Variants in TACC2 observed in about 807,000 individuals in gnomAD.
TACC2 encodes the protein transforming acidic coiled-coil-containing protein 2.
TACC2 carries 137 observed loss-of-function variants against 227.3 expected under a neutral mutation model. That is an observed-to-expected ratio of 0.60 (90% CI 0.52 to 0.69). The LOEUF (loss-of-function observed/expected upper bound fraction) is 0.69, where lower values mean the gene tolerates loss of function less well. TACC2 is among the 30% of genes least tolerant of loss of function. The probability of loss-of-function intolerance (pLI) is 0.00; values close to 1 mark genes in which losing one functional copy is unlikely to be tolerated. For missense variants in TACC2, 3,470 were observed against 3,694.4 expected (o/e 0.94, Z 1.57); for synonymous variants, 1,523 against 1,487.5 (o/e 1.02, Z -0.55).
chr10:122,017,745 A>G (rs1232236239), intron 1 of TACC2, among the ~76,000 whole-genome samples: 1 of 144,692 alleles, frequency 6.9e-6, no homozygotes, highest in Non-Finnish European at 1.5e-5. Flanking sequence ...TGAACCCTAG[A>G]GGCAGAGGTT....
At chr10:122,176,540 G>C (rs150109038) in intron 7 of TACC2, among the ~76,000 whole-genome samples, 1 of 152,120 alleles carries the variant, frequency 6.6e-6, no homozygotes, top group Non-Finnish European at 1.5e-5. Context: ...AAGAGTCGTA[G>C]CATTTTACTT....
chr10:122,103,781 T>G (rs992874336), intron 5 of TACC2, among the ~76,000 whole-genome samples: 1 of 150,540 alleles, frequency 6.6e-6, no homozygotes, highest in South Asian at 2.1e-4. Flanking sequence ...GAGGCGGGGG[T>G]CTTGTCTTGC....
intron 3 of TACC2, among the ~76,000 whole-genome samples, chr10:122,071,215 G>C (rs1424574443): frequency 6.6e-6 from 1 of 152,070 alleles, no homozygotes; most frequent in African/African-American, 2.4e-5. Flanking sequence ...TTTTATTTTT[G>C]GTATTTGATC....
intron 8 of TACC2, among the ~76,000 whole-genome samples, chr10:122,208,275 T>G (rs1320380639): frequency 6.6e-6 from 1 of 152,154 alleles, no homozygotes; most frequent in Non-Finnish European, 1.5e-5. Flanking sequence ...CGTTTATTGA[T>G]CCTGTAAGAA....
At chr10:122,020,397 G>A (rs1211170157) in intron 1 of TACC2, among the ~76,000 whole-genome samples, 1 of 152,080 alleles carries the variant, frequency 6.6e-6, no homozygotes, top group African/African-American at 2.4e-5. Context: ...GAAGGGTTAG[G>A]AGTGAAAGAA....
intron 2 of TACC2, among the ~76,000 whole-genome samples, chr10:122,025,888 A>T (rs879580575): frequency 5.3e-4 from 80 of 151,750 alleles, no homozygotes; most frequent in Non-Finnish European, 9.1e-4. Flanking sequence ...TATTATTATT[A>T]TTTTTTAAAG....
chr10:122,041,441 C>CTTTTTTTTTTTTT (rs537169387), intron 2 of TACC2, among the ~76,000 whole-genome samples: 1 of 140,190 alleles, frequency 7.1e-6, no homozygotes, highest in Non-Finnish European at 1.5e-5. Flanking sequence ...AGTTTCCTTT[C>CTTTTTTTTTTTTT]TTTTTTTTTT....
At chr10:122,162,677 T>A (rs2092893520) in intron 7 of TACC2, among the ~76,000 whole-genome samples, 1 of 152,302 alleles carries the variant, frequency 6.6e-6, no homozygotes. Flanking sequence ...GAGCCTGCCA[T>A]AGGCCAGGGA....
chr10:121,992,767 C>T (rs2134855172), intron 1 of TACC2, among the ~76,000 whole-genome samples: 1 of 152,082 alleles, frequency 6.6e-6, no homozygotes, highest in South Asian at 2.1e-4. Context: ...CCAGCCTGGG[C>T]AACACGGCGA....
At chr10:122,121,943 G>A (rs541021689) in intron 5 of TACC2, among the ~76,000 whole-genome samples, 6 of 152,310 alleles carry the variant, frequency 3.9e-5, no homozygotes, top group Admixed American at 6.5e-5. Flanking sequence ...GGAAAGACCT[G>A]GCGGGGAGGG....
chr10:122,058,407 T>C (rs2136339063), intron 3 of TACC2, among the ~76,000 whole-genome samples: 1 of 152,054 alleles, frequency 6.6e-6, no homozygotes, highest in East Asian at 2.0e-4. Flanking sequence ...TGCAACCCTT[T>C]ATTATATATT....
At chr10:122,129,490 A>C (rs900550079) in intron 5 of TACC2, among the ~76,000 whole-genome samples, 1 of 152,210 alleles carries the variant, frequency 6.6e-6, no homozygotes, top group Non-Finnish European at 1.5e-5. Context: ...TGTGATCAGC[A>C]TATTTGCCCA....
chr10:121,992,318 T>A (rs1188880018), intron 1 of TACC2, among the ~76,000 whole-genome samples: 1 of 152,156 alleles, frequency 6.6e-6, no homozygotes, highest in African/African-American at 2.4e-5. Context: ...GTGAAAAACC[T>A]GAAGGTTTTA....
At chr10:122,134,892 A>C (rs1278049312) in intron 6 of TACC2, among the ~76,000 whole-genome samples, 3 of 152,324 alleles carry the variant, frequency 2.0e-5, no homozygotes, top group South Asian at 4.1e-4. Context: ...GGCCCCTCCC[A>C]TGCCTGAGAC....
chr10:122,147,082 T>C (rs1037790962), intron 7 of TACC2, among the ~76,000 whole-genome samples: 1 of 152,172 alleles, frequency 6.6e-6, no homozygotes, highest in African/African-American at 2.4e-5. Flanking sequence ...ACATGACATA[T>C]CACTGCTGAC....
intron 1 of TACC2, among the ~76,000 whole-genome samples, chr10:122,011,851 G>A (rs987558161): frequency 6.6e-6 from 1 of 152,144 alleles, no homozygotes; most frequent in Admixed American, 6.5e-5. Flanking sequence ...CCTGAACCAG[G>A]AGAAAGAAGA....
intron 12 of TACC2, 100 bp downstream of exon 12, chr10:122,224,887 C>G: frequency 2.0e-6 from 2 of 979,150 alleles, no homozygotes; most frequent in South Asian, 1.4e-5. Context: ...GACCCCAAAT[C>G]GAGTGTTTTC....
chr10:122,226,310 C>G (rs1033369781), intron 12 of TACC2, 56 bp from the exon 13 acceptor site: 3 of 1,199,800 alleles, frequency 2.5e-6, no homozygotes, highest in African/African-American at 3.0e-5. Flanking sequence ...TTTTCATCTC[C>G]GTTGCACGTT....
At chr10:122,138,405 G>A (rs1269544967) in intron 6 of TACC2, among the ~76,000 whole-genome samples, 3 of 152,180 alleles carry the variant, frequency 2.0e-5, no homozygotes, top group East Asian at 3.9e-4. Flanking sequence ...AGCTACTTGG[G>A]AGGCTGAGGC....
Sources: allele counts gnomAD v4.1 joint callset (sites outside exome capture counted in the v4.1 genomes callset), GRCh38; gene constraint gnomAD v4.1.1; transcripts MANE v1.5; gene names NCBI Gene and HGNC (gene_info 2026-07-23, HGNC 2026-07-21).